MTHFD2L: variants seen among roughly 807,000 people sequenced by gnomAD.
MTHFD2L encodes the protein bifunctional methylenetetrahydrofolate dehydrogenase/cyclohydrolase 2, mitochondrial.
A neutral mutation model predicts 34.9 loss-of-function variants in MTHFD2L; 29 were observed. The observed-to-expected ratio is 0.83, with a 90% CI of 0.62 to 1.13. MTHFD2L has a LOEUF of 1.13. Ranked by LOEUF, MTHFD2L falls within the 50% of genes most tolerant of loss-of-function variation. The pLI is 0.00. For missense variants in MTHFD2L, 481 were observed against 446.5 expected, an observed-to-expected ratio of 1.08 and a Z score of -0.70; for synonymous variants, 167 against 155.7, an observed-to-expected ratio of 1.07 and a Z score of -0.54.
At chr4:74,198,292 C>CA (rs35838404) in intron 3 of MTHFD2L, among the ~76,000 whole-genome samples, 2 of 151,872 alleles carry the variant, frequency 1.3e-5, no homozygotes, top group Admixed American at 1.3e-4. Context: ...AATGGGAGCG[C>CA]AAAAAATGGT....
At chr4:74,214,582 C>A (rs1418999395) in intron 5 of MTHFD2L, among the ~76,000 whole-genome samples, 2 of 151,800 alleles carry the variant, frequency 1.3e-5, no homozygotes, top group African/African-American at 4.9e-5. Context: ...CCTCTGGAAG[C>A]TTCATCCCAG....
At chr4:74,254,261 T>G (rs968712426) in intron 6 of MTHFD2L, among the ~76,000 whole-genome samples, 2 of 152,142 alleles carry the variant, frequency 1.3e-5, no homozygotes, top group Non-Finnish European at 2.9e-5. Flanking sequence ...CAGAGGGAAA[T>G]GGGCATTCAG....
intron 6 of MTHFD2L, 70 bp downstream of exon 6, chr4:74,225,464 T>C (rs1368587653): frequency 3.9e-6 from 5 of 1,268,982 alleles, no homozygotes; most frequent in Non-Finnish European, 5.7e-6. Flanking sequence ...AATGCTGACA[T>C]GTTTGAAAGC....
intron 3 of MTHFD2L, among the ~76,000 whole-genome samples, chr4:74,187,733 TAC>T (rs35175417): frequency 0.091 from 12,115 of 133,758 alleles, 542 homozygotes; most frequent in African/African-American, 0.13. Context: ...AAACGTTAAA[TAC>T]ACACACACAC....
chr4:74,255,384 T>C (rs985734164), intron 6 of MTHFD2L, among the ~76,000 whole-genome samples: 4 of 151,742 alleles, frequency 2.6e-5, no homozygotes, highest in Admixed American at 2.6e-4. Flanking sequence ...GTTAAAGGAA[T>C]CAAAGCATAA....
chr4:74,181,716 A>C (rs1289136269), intron 3 of MTHFD2L: 7 of 152,200 alleles, frequency 4.6e-5, no homozygotes, highest in African/African-American at 1.7e-4. Context: ...GAGGATTAGC[A>C]CCTTCCAGTT....
At chr4:74,169,583 C>T (rs1382195108) in intron 1 of MTHFD2L, among the ~76,000 whole-genome samples, 5 of 152,106 alleles carry the variant, frequency 3.3e-5, no homozygotes, top group Non-Finnish European at 7.4e-5. Context: ...GATGAATCTG[C>T]TTCTATAATA....
chr4:74,143,850 T>TA lies in MTHFD2L; in HGVS notation c.-296-16203dup, dbSNP rs143227067. ...AGAAAAGCATTATGTTCAGATAGGA[T>TA]AAGGAGAAACATTTATATGAATATA... On this transcript the variant is annotated intron_variant, in intron 1 of 7. Coordinates refer to the MTHFD2L transcript ENST00000433372. 4.3e-3 allele frequency among the ~76,000 whole-genome samples: 654 copies of TA among 152,294 alleles called. 40 individuals are homozygous for TA. The East Asian group carries it at 0.12, about 27-fold the overall frequency.
chr4:74,289,730 T>A (rs1748643544), intron 7 of MTHFD2L, among the ~76,000 whole-genome samples: 1 of 152,036 alleles, frequency 6.6e-6, no homozygotes, highest in Non-Finnish European at 1.5e-5. Flanking sequence ...AGATGGTAGA[T>A]ATAATTTTAA....
In MTHFD2L at chr4:74,281,497, T is replaced by C; in HGVS notation, c.878T>C (p.Val293Ala). 1 of 1,612,714 alleles carries C rather than the reference T, an allele frequency of 6.2e-7. No individual in the cohort carries two copies. The highest frequency in any genetic ancestry group is 8.5e-7 in the Non-Finnish European group (1 of 1,179,156). Residue 293 changes from valine (V) to alanine (A), a missense_variant, in exon 7 of 8, where the codon GTC (valine) becomes GCC (alanine). Val to Ala is a moderately conservative substitution (Grantham distance 64, BLOSUM62 0). Coordinates refer to ENST00000325278, the MANE Select transcript of MTHFD2L (RefSeq NM_001144978.3). ...AAVIDVGINY[V>A]HDPVTGKTKL... is the part of the protein sequence containing the mutation. ...GTAATTGATGTGGGTATCAACTATGTCCACGATCCAGTGACAGGAAAGACA... is the reference window on the plus strand; with the variant it reads ...GTAATTGATGTGGGTATCAACTATGCCCACGATCCAGTGACAGGAAAGACA...
intron 3 of MTHFD2L, among the ~76,000 whole-genome samples, chr4:74,192,689 AT>A (rs1178105986): frequency 6.6e-6 from 1 of 152,010 alleles, no homozygotes; most frequent in Admixed American, 6.6e-5. Context: ...CACTGTTCTG[AT>A]TTTTTTCGTA....
chr4:74,262,352 A>C (rs888160119), intron 6 of MTHFD2L, among the ~76,000 whole-genome samples: 2 of 151,944 alleles, frequency 1.3e-5, no homozygotes, highest in Non-Finnish European at 2.9e-5. Flanking sequence ...AAAGATACAC[A>C]CAAATATACA....
chr4:74,245,874 T>C (rs1226223624), intron 6 of MTHFD2L, among the ~76,000 whole-genome samples: 1 of 151,176 alleles, frequency 6.6e-6, no homozygotes, highest in African/African-American at 2.4e-5. Flanking sequence ...ATCCAGTCTA[T>C]CATTGTTGGA....
chr4:74,155,190 A>G (rs1724167777), upstream of MTHFD2L, among the ~76,000 whole-genome samples: 1 of 152,082 alleles, frequency 6.6e-6, no homozygotes, highest in East Asian at 1.9e-4. Context: ...TTAGGTCAGC[A>G]CCTTTTCCGC....
chr4:74,157,194 C>A (rs77561530), upstream of MTHFD2L: 1,326 of 164,838 alleles, frequency 8.0e-3, 9 homozygotes, highest in Middle Eastern at 0.034. Context: ...GTAGGGTATC[C>A]CATTCTTATT....
chr4:74,232,985 C>T (rs905924174), intron 6 of MTHFD2L, among the ~76,000 whole-genome samples: 8 of 152,140 alleles, frequency 5.3e-5, no homozygotes, highest in South Asian at 2.1e-4. Context: ...TTATTTGCAT[C>T]GTAACCCATA....
At chr4:74,182,091 A>T (rs1380383680) in intron 3 of MTHFD2L, among the ~76,000 whole-genome samples, 1 of 152,192 alleles carries the variant, frequency 6.6e-6, no homozygotes, top group South Asian at 2.1e-4. Context: ...GATGGTTTCT[A>T]AATTTTAATT....
chr4:74,250,547 A>G (rs1041213864), intron 6 of MTHFD2L, among the ~76,000 whole-genome samples: 2 of 152,144 alleles, frequency 1.3e-5, no homozygotes, highest in African/African-American at 4.8e-5. Flanking sequence ...CTATTCAGCA[A>G]ATTTCTATTG....
intron 7 of MTHFD2L, among the ~76,000 whole-genome samples, chr4:74,297,754 A>G (rs1180451668): frequency 6.6e-6 from 1 of 152,108 alleles, no homozygotes; most frequent in Non-Finnish European, 1.5e-5. Context: ...AACATCAAAC[A>G]TGAATAGAAT....
Sources: gnomAD v4.1 joint callset for allele counts (sites outside exome capture counted in the v4.1 genomes callset) on GRCh38, gnomAD v4.1.1 for gene constraint, MANE v1.5 for transcripts, NCBI Gene and HGNC (gene_info 2026-07-23, HGNC 2026-07-21) for gene names.